The following MACROD2 variants were observed in gnomAD, a reference collection of about 807,000 sequenced individuals.
MACROD2 encodes ADP-ribose glycohydrolase MACROD2.
Under a neutral mutation model 70.4 loss-of-function variants are expected in MACROD2, and 36 were observed. That is an observed-to-expected ratio of 0.51 (90% CI 0.39 to 0.68). MACROD2 has a LOEUF of 0.68. MACROD2 is among the 30% of genes least tolerant of loss of function. The pLI, the probability that MACROD2 is intolerant of heterozygous loss-of-function variation, is 0.00. For missense variants in MACROD2, 496 were observed against 538.4 expected (o/e 0.92, Z 0.78); for synonymous variants, 172 against 178.8 (o/e 0.96, Z 0.30).
intron 2 of MACROD2, among the ~76,000 whole-genome samples, chr20:14,009,865 G>A (rs1440523787): frequency 2.0e-5 from 3 of 152,242 alleles, no homozygotes; most frequent in African/African-American, 4.8e-5. Context: ...AAACTCTAAC[G>A]CAGTAACAGA....
intron 6 of MACROD2, among the ~76,000 whole-genome samples, chr20:15,421,767 C>T (rs2046231900): frequency 6.6e-6 from 1 of 152,164 alleles, no homozygotes; most frequent in African/African-American, 2.4e-5. Flanking sequence ...AAGCAAAGGT[C>T]TTCCTGGGAG....
chr20:14,693,464 G>A lies in MACROD2; in HGVS notation c.418+8505G>A, dbSNP rs569898769. 3.9e-4 allele frequency among the ~76,000 whole-genome samples: 60 copies of A among 152,250 alleles called. No individual in the cohort carries two copies. In the Middle Eastern group the frequency reaches 0.01, roughly 26 times the overall value. On this transcript the variant is annotated intron_variant, in intron 5 of 17. Transcript: ENST00000684519. The stretch of plus-strand genomic sequence containing the variant: ...AATAAGTAGCAAATGCTGAGTAAAA[G>A]TGTAGATTTTTTTTCTCCCTGTGTT...
chr20:14,725,747 C>T (rs905557510), intron 5 of MACROD2, among the ~76,000 whole-genome samples: 3 of 152,106 alleles, frequency 2.0e-5, no homozygotes, highest in South Asian at 4.1e-4. Flanking sequence ...TCAGAGTAGC[C>T]GCCCCAGAGG....
chr20:14,184,967 T>C (rs2081333315), intron 3 of MACROD2, among the ~76,000 whole-genome samples: 1 of 152,032 alleles, frequency 6.6e-6, no homozygotes, highest in South Asian at 2.1e-4. Context: ...AGTTAATTTG[T>C]TTACTTGTTG....
intron 8 of MACROD2, among the ~76,000 whole-genome samples, chr20:15,729,539 A>G (rs578260645): frequency 6.6e-6 from 1 of 152,236 alleles, no homozygotes; most frequent in Non-Finnish European, 1.5e-5. Flanking sequence ...ATAAGTCTTT[A>G]AGAACTTGCT....
At chr20:14,512,982 A>G (rs2085047380) in intron 4 of MACROD2, among the ~76,000 whole-genome samples, 1 of 152,102 alleles carries the variant, frequency 6.6e-6, no homozygotes, top group Non-Finnish European at 1.5e-5. Context: ...ATAGGCTCCA[A>G]ATGCCTGCTT....
chr20:15,031,995 G>A (rs1217819188), intron 5 of MACROD2, among the ~76,000 whole-genome samples: 1 of 152,170 alleles, frequency 6.6e-6, no homozygotes. Flanking sequence ...TCCCACACTC[G>A]TGAGTACCCA....
Position 14,862,644 on chromosome 20 carries a change from T to TATATATAAATATATATAA in MACROD2, c.418+177692_418+177693insAATATATATAAATATATA, listed in dbSNP as rs1299865896. On this transcript the variant is annotated intron_variant, in intron 5 of 17. Coordinates refer to ENST00000684519, the MANE Select transcript of MACROD2 (RefSeq NM_001351661.2). ...ATATATATATAAATATATATATAAA[T>TATATATAAATATATATAA]ATATATATATAAATATATATATAAA... 2.5e-3 allele frequency among the ~76,000 whole-genome samples: 25 copies of TATATATAAATATATATAA among 9,972 alleles called. 1 individual carries two copies. The highest frequency in any genetic ancestry group is 9.2e-3 in the South Asian group (2 of 218). The allele number at this position is 9,972 out of a possible 152,430, so 6.5% of individuals were successfully genotyped here. A position where few individuals can be genotyped will look rare whatever the true frequency, so the allele number is the denominator to read the frequency against.
rs1207233964 is a variant in MACROD2 at position 15,434,133 on chromosome 20, A to G, written c.571+2698A>G. Among the ~76,000 whole-genome samples the G allele has an allele frequency of 3.9e-5, 6 of 152,246 alleles. No homozygotes were observed. In the East Asian group the frequency reaches 1.2e-3, roughly 29 times the overall value. ...AGACACTGGCTTAGGCAAAGAATTC[A>G]TGACTAAGACCTCAAAAGCAGATGC... On this transcript the variant is annotated intron_variant, in intron 7 of 17. Coordinates refer to ENST00000684519, the MANE Select transcript of MACROD2 (RefSeq NM_001351661.2).
At chr20:14,403,678 C>G (rs1314959155) in intron 3 of MACROD2, among the ~76,000 whole-genome samples, 2 of 152,146 alleles carry the variant, frequency 1.3e-5, no homozygotes, top group African/African-American at 4.8e-5. Flanking sequence ...AGAGTATTCT[C>G]TGGAGCCAAA....
intron 5 of MACROD2, chr20:14,850,640 G>A (rs938134654): frequency 6.6e-6 from 1 of 152,112 alleles, no homozygotes; most frequent in African/African-American, 2.4e-5. Context: ...GTTTCCAAAT[G>A]TTCCGCTCTT....
At chr20:15,631,337 C>A (rs1459206799) in intron 8 of MACROD2, among the ~76,000 whole-genome samples, 4 of 152,158 alleles carry the variant, frequency 2.6e-5, no homozygotes, top group Non-Finnish European at 4.4e-5. Context: ...GAATTAAGTC[C>A]TAGGACCAGA....
At chr20:15,991,284 T>A (rs2066555412) in intron 15 of MACROD2, among the ~76,000 whole-genome samples, 2 of 152,218 alleles carry the variant, frequency 1.3e-5, no homozygotes, top group Admixed American at 6.5e-5. Flanking sequence ...AGTGAACACA[T>A]AGCAAGTGAG....
chr20:14,574,854 A>G (rs576593619), intron 4 of MACROD2, among the ~76,000 whole-genome samples: 12 of 147,970 alleles, frequency 8.1e-5, no homozygotes, highest in South Asian at 4.3e-4. Flanking sequence ...TACTAAAAAT[A>G]CAAAAAATTA....
intron 15 of MACROD2, among the ~76,000 whole-genome samples, chr20:15,995,495 G>T (rs866941267): frequency 6.6e-6 from 1 of 150,764 alleles, no homozygotes; most frequent in Non-Finnish European, 1.5e-5. Context: ...GACTACAGGC[G>T]CCCGCCACCG....
intron 6 of MACROD2, among the ~76,000 whole-genome samples, chr20:15,366,677 A>C (rs2045413469): frequency 6.6e-6 from 1 of 151,518 alleles, no homozygotes; most frequent in African/African-American, 2.4e-5. Context: ...CAGCCTCCCA[A>C]GTAGCTGGGA....
chr20:15,032,047 C>G (rs1179733898), intron 5 of MACROD2, among the ~76,000 whole-genome samples: 1 of 152,180 alleles, frequency 6.6e-6, no homozygotes, highest in Non-Finnish European at 1.5e-5. Context: ...GTCATGTCAG[C>G]GCTGCCTCAA....
rs551840106 is a variant in MACROD2, at chr20:14,464,406, C to G, written c.272-29073C>G. Among the ~76,000 whole-genome samples the G allele has an allele frequency of 6.6e-5, 10 of 152,124 alleles. No individual in the cohort carries two copies. The South Asian group carries it at 1.9e-3, about 28-fold the overall frequency. ...TCCCCTTTGTCATTTTTTATTGCAT[C>G]TATTTGATTCTTCTCTCTTTTCTTC... On this transcript the variant is annotated intron_variant, in intron 3 of 17. Transcript: ENST00000684519.
chr20:14,475,840 C>T (rs1325384054), intron 3 of MACROD2, among the ~76,000 whole-genome samples: 1 of 151,888 alleles, frequency 6.6e-6, no homozygotes, highest in African/African-American at 2.4e-5. Flanking sequence ...TTCAACCTTT[C>T]AGAGTCTGAT....
Sources: allele counts gnomAD v4.1 joint callset (sites outside exome capture counted in the v4.1 genomes callset), GRCh38; gene constraint gnomAD v4.1.1; transcripts MANE v1.5; gene names NCBI Gene and HGNC (gene_info 2026-07-23, HGNC 2026-07-21).